PCDHA11: variants seen among roughly 807,000 people sequenced by gnomAD.
The protein encoded by PCDHA11 is protocadherin alpha-11.
Under a neutral mutation model 70.3 loss-of-function variants are expected in PCDHA11, and 61 were observed. That is an observed-to-expected ratio of 0.87 (90% CI 0.71 to 1.07). PCDHA11 has a LOEUF of 1.07. PCDHA11 is among the 50% of genes least tolerant of loss of function. The pLI is 0.00. For missense variants in PCDHA11, 1,324 were observed against 1,237.5 expected (o/e 1.07, Z -1.05); for synonymous variants, 633 against 555.1 (o/e 1.14, Z -1.97).
chr5:140,876,148 G>A, intron 1 of PCDHA11: 1 of 1,613,954 alleles, frequency 6.2e-7, no homozygotes, highest in East Asian at 2.2e-5. Context: ...AACAGGGTCT[G>A]TCCAGATTCA....
At chr5:140,928,701 G>A (rs782369096) in intron 1 of PCDHA11, 53 of 1,614,014 alleles carry the variant, frequency 3.3e-5, no homozygotes, top group Admixed American at 2.0e-4. Context: ...TCTCCCGGGC[G>A]TCTGACTCTA....
At chr5:140,906,083 A>G (rs1554192390) in intron 1 of PCDHA11, among the ~76,000 whole-genome samples, 1 of 152,146 alleles carries the variant, frequency 6.6e-6, no homozygotes, top group Non-Finnish European at 1.5e-5. Context: ...ACCCACCCAG[A>G]CTGAGAGTAA....
chr5:140,870,783 C>A lies in PCDHA11; in HGVS notation c.1680C>A (p.Asn560Lys). The A allele has an allele frequency of 6.2e-7, 1 of 1,613,598 alleles. No homozygotes were observed. The highest frequency in any genetic ancestry group is 8.5e-7 in the Non-Finnish European group (1 of 1,179,894). The change falls in exon 1 of 4, where the codon AAC becomes AAA. Residue 560 changes from asparagine (N) to lysine (K), a missense_variant. By Grantham distance (94) the Asn-to-Lys change is moderately conservative (BLOSUM62 0). Coordinates refer to ENST00000398640, the MANE Select transcript of PCDHA11 (RefSeq NM_018902.5). ...LQVFVLDEND[N>K]APALLATQAG... is the part of the protein sequence containing the mutation. ...TGTTCGTGCTGGACGAGAACGACAA[C>A]GCGCCGGCACTGCTGGCGACTCAGG...
chr5:141,001,850 T>G (rs2098040443), intron 3 of PCDHA11, among the ~76,000 whole-genome samples: 1 of 152,164 alleles, frequency 6.6e-6, no homozygotes, highest in Admixed American at 6.5e-5. Context: ...AGAGAGAGGT[T>G]GATTAAATTG....
intron 1 of PCDHA11, among the ~76,000 whole-genome samples, chr5:140,977,768 A>G (rs1264929933): frequency 1.3e-5 from 2 of 152,218 alleles, no homozygotes; most frequent in Non-Finnish European, 1.5e-5. Context: ...AATACTTTGC[A>G]TCCCTTAAAG....
In PCDHA11 at chr5:141,009,679, C is replaced by T; in HGVS notation, c.2592C>T (p.Asn864=). 1.2e-6 allele frequency: 2 copies of T among 1,614,116 alleles called. No individual in the cohort carries two copies. The highest frequency in any genetic ancestry group is 8.5e-7 in the Non-Finnish European group (1 of 1,180,026). The part of the protein sequence containing the change: ...SPPVGAGVNS[N]SWTFKYGPGN... ...CAGTCGGTGCGGGTGTCAACAGCAA[C>T]AGCTGGACCTTTAAATACGGACCAG... The change falls in exon 4 of 4, where the codon AAC becomes AAT. Residue 864 remains asparagine (N), a synonymous_variant. Coordinates refer to ENST00000398640, the MANE Select transcript of PCDHA11 (RefSeq NM_018902.5).
At chr5:140,879,099 A>G (rs1255546668) in intron 1 of PCDHA11, among the ~76,000 whole-genome samples, 1 of 152,242 alleles carries the variant, frequency 6.6e-6, no homozygotes, top group Non-Finnish European at 1.5e-5. Flanking sequence ...ACTGCACAGT[A>G]TATGGTGTAA....
rs1554168216 is a variant in PCDHA11, at chr5:140,876,040, A to G, written c.2391+4546A>G. 2 of 1,613,752 alleles carry G rather than the reference A, an allele frequency of 1.2e-6. No homozygotes were observed. Among genetic ancestry groups the G allele is most frequent in the African/African-American group, 1.3e-5 (1 of 74,922 alleles). ...AATAAAAACAAAAAAAGATAAAAGT[A>G]TATTGCCTGAATTAGTTCTTCGGAA... On this transcript the variant is annotated intron_variant, in intron 1 of 3. Coordinates refer to ENST00000398640, the MANE Select transcript of PCDHA11 (RefSeq NM_018902.5).
chr5:140,887,722 T>C (rs1214089693), intron 1 of PCDHA11, among the ~76,000 whole-genome samples: 2 of 152,200 alleles, frequency 1.3e-5, no homozygotes, highest in Non-Finnish European at 2.9e-5. Context: ...AATAGTTTTT[T>C]CTTTCCTTCC....
intron 1 of PCDHA11, among the ~76,000 whole-genome samples, chr5:140,976,481 G>A (rs549195125): frequency 6.6e-6 from 1 of 152,160 alleles, no homozygotes; most frequent in South Asian, 2.1e-4. Flanking sequence ...AATCCGGGAG[G>A]CAGAGGTTGC....
At chr5:140,877,304 T>C in intron 1 of PCDHA11, 3 of 1,613,926 alleles carry the variant, frequency 1.9e-6, no homozygotes, top group Non-Finnish European at 2.5e-6. Context: ...TCCTACGAGT[T>C]GCAACCGGCG....
intron 1 of PCDHA11, among the ~76,000 whole-genome samples, chr5:140,916,805 A>G (rs560427769): frequency 6.6e-6 from 1 of 152,152 alleles, no homozygotes; most frequent in Non-Finnish European, 1.5e-5. Context: ...ATGACTTCCT[A>G]GGTCATGTGC....
At chr5:140,987,292 T>G (rs2097246000) in intron 3 of PCDHA11, among the ~76,000 whole-genome samples, 1 of 152,134 alleles carries the variant, frequency 6.6e-6, no homozygotes, top group African/African-American at 2.4e-5. Context: ...TTAACAAGCC[T>G]TCTATGTGAT....
At chr5:140,903,351 A>G (rs2070226814) in intron 1 of PCDHA11, among the ~76,000 whole-genome samples, 1 of 152,236 alleles carries the variant, frequency 6.6e-6, no homozygotes, top group Non-Finnish European at 1.5e-5. Context: ...TTTAAAAAAC[A>G]AGTTTTTCAA....
chr5:140,911,778 A>G (rs2075636196), intron 1 of PCDHA11, among the ~76,000 whole-genome samples: 1 of 152,228 alleles, frequency 6.6e-6, no homozygotes, highest in Admixed American at 6.5e-5. Flanking sequence ...TACAGTCCTT[A>G]GCATTTTTGG....
chr5:140,959,729 C>T (rs910806194), intron 1 of PCDHA11, among the ~76,000 whole-genome samples: 3 of 152,126 alleles, frequency 2.0e-5, no homozygotes, highest in South Asian at 4.1e-4. Context: ...ATAACATTAT[C>T]TCATCAAAAT....
intron 1 of PCDHA11, among the ~76,000 whole-genome samples, chr5:140,924,936 TAAAAA>T (rs2082205335): frequency 8.1e-6 from 1 of 123,442 alleles, no homozygotes; most frequent in East Asian, 2.8e-4. Context: ...TAAAATAAAA[TAAAAA>T]GTTAAAAAAA....
intron 1 of PCDHA11, among the ~76,000 whole-genome samples, chr5:140,890,396 A>C (rs1466548320): frequency 1.3e-5 from 2 of 152,134 alleles, no homozygotes; most frequent in African/African-American, 4.8e-5. Context: ...ATAATCTATA[A>C]ATTTTAACTT....
At chr5:140,941,194 T>TCTTC (rs781904538) in intron 1 of PCDHA11, among the ~76,000 whole-genome samples, 2 of 112,354 alleles carry the variant, frequency 1.8e-5, no homozygotes, top group Non-Finnish European at 3.8e-5. Context: ...TCTTTTTTTT[T>TCTTC]CTTTCTTCCT....
Sources: allele counts gnomAD v4.1 joint callset (sites outside exome capture counted in the v4.1 genomes callset), GRCh38; gene constraint gnomAD v4.1.1; transcripts MANE v1.5; gene names NCBI Gene and HGNC (gene_info 2026-07-23, HGNC 2026-07-21).